Variants in VAV2 observed in about 807,000 individuals in gnomAD.
The protein encoded by VAV2 is vav guanine nucleotide exchange factor 2.
Under a neutral mutation model 132.5 loss-of-function variants are expected in VAV2, and 67 were observed. The ratio of observed to expected loss-of-function variants is 0.51; its 90% confidence interval spans 0.42 to 0.62. The LOEUF (loss-of-function observed/expected upper bound fraction) is 0.62. VAV2 is among the 20% of genes least tolerant of loss of function. The pLI is 0.00. For missense variants in VAV2, 938 were observed against 1,153.6 expected (o/e 0.81, Z 2.71); for synonymous variants, 492 against 443.5 (o/e 1.11, Z -1.37).
chr9:133,825,647 C>T (rs1307133113), intron 4 of VAV2, among the ~76,000 whole-genome samples: 1 of 152,162 alleles, frequency 6.6e-6, no homozygotes, highest in African/African-American at 2.4e-5. Context: ...TCTAAACAAA[C>T]TTCCTCTGGG....
intron 3 of VAV2, among the ~76,000 whole-genome samples, chr9:133,858,154 C>T (rs1208693452): frequency 6.6e-6 from 1 of 152,210 alleles, no homozygotes; most frequent in Non-Finnish European, 1.5e-5. Context: ...GATAGGCCCT[C>T]CGGATAAGAG....
At chr9:133,891,173 G>A (rs2519770) in intron 2 of VAV2, among the ~76,000 whole-genome samples, 47,826 of 148,228 alleles carry the variant, frequency 0.32, 9,288 homozygotes, top group East Asian at 0.46. Flanking sequence ...GCAGGGGGCT[G>A]CCAGGGCCCG....
At chr9:133,822,160 G>C (rs961814954) in intron 4 of VAV2, among the ~76,000 whole-genome samples, 2 of 143,134 alleles carry the variant, frequency 1.4e-5, no homozygotes, top group Admixed American at 7.0e-5. Flanking sequence ...GCCGCCCACA[G>C]AAAATCAAAA....
At chr9:133,854,118 GCACCTGCACACACACA>G (rs2131846814) in intron 3 of VAV2, among the ~76,000 whole-genome samples, 1 of 87,980 alleles carries the variant, frequency 1.1e-5, no homozygotes, top group African/African-American at 8.8e-5. Context: ...CATACCCCTT[GCACCTGCACACACACA>G]CCCCTTGCAC....
chr9:133,773,022 C>A (rs1035545062), intron 25 of VAV2, among the ~76,000 whole-genome samples: 1 of 132,628 alleles, frequency 7.5e-6, no homozygotes, highest in Non-Finnish European at 1.7e-5. Flanking sequence ...CTAGGCTGGA[C>A]GGCAGAGCCT....
intron 4 of VAV2, among the ~76,000 whole-genome samples, chr9:133,813,256 T>G (rs1044173110): frequency 7.2e-5 from 11 of 152,148 alleles, no homozygotes; most frequent in African/African-American, 2.7e-4. Flanking sequence ...GTGGCAAAGT[T>G]CACTGCTAGA....
intron 2 of VAV2, among the ~76,000 whole-genome samples, chr9:133,898,105 TGCATCC>T (rs1839285949): frequency 7.6e-4 from 4 of 5,290 alleles, no homozygotes; most frequent in South Asian, 0.022. Context: ...TCCAACATAC[TGCATCC>T]GGGTACCCTG....
At chr9:133,940,488 G>A (rs1442675708) in intron 1 of VAV2, among the ~76,000 whole-genome samples, 3 of 152,066 alleles carry the variant, frequency 2.0e-5, no homozygotes, top group Admixed American at 6.6e-5. Context: ...GAACGCCCTG[G>A]GAGCGGAGGG....
chr9:133,846,925 C>T lies in VAV2; in HGVS notation c.381-12585G>A, dbSNP rs115476717. ...GAAGATGAGGATGGAGCCCCACTCT[C>T]CCACAGTAACCCCGAGGGGATGGGC... On this transcript the variant is annotated intron_variant, in intron 3 of 29. Coordinates refer to ENST00000371850, the MANE Select transcript of VAV2 (RefSeq NM_001134398.2). 5.2e-3 allele frequency among the ~76,000 whole-genome samples: 799 copies of T among 152,344 alleles called. 8 individuals carry two copies. Among genetic ancestry groups the T allele is most frequent in the African/African-American group, 0.018 (755 of 41,584 alleles).
At chr9:133,871,954 G>C (rs992676516) in intron 2 of VAV2, among the ~76,000 whole-genome samples, 1 of 152,174 alleles carries the variant, frequency 6.6e-6, no homozygotes, top group African/African-American at 2.4e-5. Context: ...TGGGGTCATC[G>C]CTCCACCCTT....
intron 3 of VAV2, 116 bp downstream of exon 3, chr9:133,861,258 T>A: frequency 8.7e-7 from 1 of 1,144,002 alleles, no homozygotes. Flanking sequence ...TGCAAATGCA[T>A]GATAAAGACA....
At chr9:133,922,779 T>A (rs574497833) in intron 2 of VAV2, among the ~76,000 whole-genome samples, 14 of 152,318 alleles carry the variant, frequency 9.2e-5, no homozygotes, top group African/African-American at 3.1e-4. Flanking sequence ...AAAAGTTTCA[T>A]GACATTGGAT....
rs80353670 is a variant in VAV2 at position 133,939,285 on chromosome 9, G to A, written c.205-66C>T. Reference sequence around the variant, plus strand: ...TAAAACTGTAAGCTCTGTAAAAACCGTAACAGCAACAGCAGCAAGCTCTGG... The same window carrying A: ...TAAAACTGTAAGCTCTGTAAAAACCATAACAGCAACAGCAGCAAGCTCTGG... On this transcript the variant is annotated intron_variant, in intron 1 of 29. Transcript: ENST00000371850. The A allele has an allele frequency of 5.2e-3, 7,216 of 1,400,864 alleles. 272 individuals carry two copies. In the African/African-American group the frequency reaches 0.082, roughly 16 times the overall value. The allele number at this position is 1,400,864 out of a possible 1,614,324, so 86.8% of individuals were successfully genotyped here. A position where few individuals can be genotyped will look rare whatever the true frequency, so the allele number is the denominator to read the frequency against.
At chr9:133,877,280 A>G (rs1838302051) in intron 2 of VAV2, among the ~76,000 whole-genome samples, 1 of 152,128 alleles carries the variant, frequency 6.6e-6, no homozygotes, top group Non-Finnish European at 1.5e-5. Flanking sequence ...CACTCTGCAC[A>G]ACGATGCCAA....
intron 2 of VAV2, among the ~76,000 whole-genome samples, chr9:133,891,274 GGTGGT>G (rs1222723526): frequency 2.1e-5 from 3 of 140,094 alleles, no homozygotes; most frequent in Non-Finnish European, 4.6e-5. Flanking sequence ...TGGGGGGGAG[GGTGGT>G]GGGGAGGGAT....
At chr9:133,981,356 C>A (rs139425062) in intron 1 of VAV2, among the ~76,000 whole-genome samples, 1 of 152,356 alleles carries the variant, frequency 6.6e-6, no homozygotes, top group East Asian at 1.9e-4. Context: ...GCGCCCAGGG[C>A]TTCACCTTCC....
chr9:133,963,397 G>C (rs1396838489), intron 1 of VAV2, among the ~76,000 whole-genome samples: 7 of 152,248 alleles, frequency 4.6e-5, no homozygotes, highest in Non-Finnish European at 2.9e-5. Context: ...AGGGTGGGCA[G>C]AGACGGTGCA....
intron 9 of VAV2, among the ~76,000 whole-genome samples, chr9:133,800,828 C>T (rs1274738705): frequency 6.6e-6 from 1 of 152,236 alleles, no homozygotes; most frequent in Non-Finnish European, 1.5e-5. Context: ...CACAGCACAG[C>T]TGAGCTGGCA....
intron 2 of VAV2, among the ~76,000 whole-genome samples, chr9:133,913,613 G>A (rs73662340): frequency 0.026 from 3,930 of 152,322 alleles, 171 homozygotes; most frequent in African/African-American, 0.088. Context: ...CGCGCACACA[G>A]TAGGTGCACA....
Sources: gnomAD v4.1 joint callset for allele counts (sites outside exome capture counted in the v4.1 genomes callset) on GRCh38, gnomAD v4.1.1 for gene constraint, MANE v1.5 for transcripts, NCBI Gene and HGNC (gene_info 2026-07-23, HGNC 2026-07-21) for gene names.